The following MAP7D2 variants were observed in gnomAD, a reference collection of about 807,000 sequenced individuals.
MAP7D2 encodes the protein MAP7 domain-containing protein 2.
Under a neutral mutation model 63.5 loss-of-function variants are expected in MAP7D2, and 33 were observed. The ratio of observed to expected loss-of-function variants is 0.52; its 90% CI spans 0.39 to 0.70. The LOEUF (loss-of-function observed/expected upper bound fraction) is 0.70. Among genes scored for constraint, MAP7D2 ranks in the 30% least tolerant of loss-of-function variants. The pLI is 0.00. For synonymous variants in MAP7D2, 224 were observed against 223.7 expected (o/e 1.00, Z -0.01); for missense variants, 626 against 604.0 (o/e 1.04, Z -0.38).
intron 6 of MAP7D2, among the ~76,000 whole-genome samples, chrX:20,049,014 G>A (rs1311117518): frequency 9.1e-6 from 1 of 110,172 alleles, no homozygotes; most frequent in South Asian, 3.9e-4. Flanking sequence ...ACATTTGCAA[G>A]GTTGTGGAAC....
At position 20,063,422 on chromosome X, in the gene MAP7D2, C is replaced by T. The variant is rs1346077324; in HGVS notation, c.364G>A (p.Glu122Lys). 5 of 1,209,373 alleles carry T rather than the reference C, an allele frequency of 4.1e-6. No individual in the cohort carries two copies. The highest frequency in any genetic ancestry group is 2.2e-5 in the Admixed American group (1 of 45,807). Residue 122 changes from glutamate (E) to lysine (K), a missense_variant, in exon 3 of 17, where the codon GAG becomes AAG. Physicochemically the swap from Glu to Lys is moderately conservative, Grantham distance 56 (BLOSUM62 1). Transcript: ENST00000379643. ...VEEKRKQKLR[E>K]EEERLEAMMR... ...GTGCACCTGGGCCTTACCTCCTCCT[C>T]CCGGAGCTTCTGTTTCCTTTTCTCT...
chrX:20,020,962 T>C (rs768024064), intron 10 of MAP7D2, among the ~76,000 whole-genome samples: 22 of 112,351 alleles, frequency 2.0e-4, no homozygotes, highest in Admixed American at 1.1e-3. Flanking sequence ...TAGCTGGGAC[T>C]ACAGGTACAA....
intron 1 of MAP7D2, among the ~76,000 whole-genome samples, chrX:20,095,923 T>C (rs1285864944): frequency 9.4e-6 from 1 of 106,743 alleles, no homozygotes; most frequent in Non-Finnish European, 1.9e-5. Flanking sequence ...CTACTAAAAA[T>C]ACAAAAAAAT....
chrX:20,054,820 A>C (rs2148335926), intron 4 of MAP7D2, among the ~76,000 whole-genome samples: 1 of 110,982 alleles, frequency 9.0e-6, no homozygotes, highest in Admixed American at 9.5e-5. Flanking sequence ...GACATCAAGC[A>C]ATCCGCCTGC....
At position 20,010,747 on chromosome X, in the gene MAP7D2, T is replaced by C. The variant is rs1326986922; in HGVS notation, c.*26+30A>G. On this transcript the variant is annotated intron_variant, in intron 16 of 16. Transcript: ENST00000379643. ...TTCACAAACCCCAGTTAAAGGGTTA[T>C]GAAGTTAGAATATAATCAAAAGACT... 1.1e-5 allele frequency: 12 copies of C among 1,136,113 alleles called. No homozygotes were observed. In the South Asian group the frequency reaches 1.2e-4, roughly 12 times the overall value. The allele number at this position is 1,136,113 out of a possible 1,213,427, so 93.6% of individuals were successfully genotyped here.
intron 8 of MAP7D2, among the ~76,000 whole-genome samples, chrX:20,035,763 A>G: frequency 9.1e-6 from 1 of 109,633 alleles, no homozygotes; most frequent in Non-Finnish European, 1.9e-5. Flanking sequence ...CCCACAAAAA[A>G]TTAGGTGGGT....
At chrX:20,065,983 T>C (rs906965517) in intron 1 of MAP7D2, among the ~76,000 whole-genome samples, 4 of 106,611 alleles carry the variant, frequency 3.8e-5, no homozygotes, top group Middle Eastern at 4.9e-3. Context: ...ACTGCAGTGG[T>C]GCAATCTCGG....
At chrX:20,113,322 C>A (rs2066797511) in intron 1 of MAP7D2, among the ~76,000 whole-genome samples, 1 of 111,520 alleles carries the variant, frequency 9.0e-6, no homozygotes, top group African/African-American at 3.3e-5. Context: ...TCTCTGCTCA[C>A]TGCAACCTCC....
intron 1 of MAP7D2, among the ~76,000 whole-genome samples, chrX:20,067,522 C>T (rs775688734): frequency 1.8e-5 from 2 of 111,900 alleles, no homozygotes; most frequent in South Asian, 7.6e-4. Context: ...TTTCTCAGCC[C>T]AACCACCCTA....
At chrX:20,064,935 C>A in intron 1 of MAP7D2, 130 bp from the exon 2 acceptor site, 1 of 523,247 alleles carries the variant, frequency 1.9e-6, no homozygotes. Flanking sequence ...TCACTTCAAC[C>A]AAAGGAAGTC....
At chrX:20,078,985 A>G (rs1029568142) in intron 1 of MAP7D2, among the ~76,000 whole-genome samples, 3 of 110,241 alleles carry the variant, frequency 2.7e-5, no homozygotes, top group Non-Finnish European at 5.7e-5. Context: ...CTCATCAAAC[A>G]GTAGACTTAA....
chrX:20,027,936 G>A (rs2073925489), intron 8 of MAP7D2, among the ~76,000 whole-genome samples: 1 of 109,789 alleles, frequency 9.1e-6, no homozygotes. Flanking sequence ...GAGAGGTAAT[G>A]TGTGAGTGCC....
chrX:20,060,195 T>C (rs2065173227), intron 3 of MAP7D2, among the ~76,000 whole-genome samples: 1 of 109,580 alleles, frequency 9.1e-6, no homozygotes, highest in Admixed American at 9.8e-5. Context: ...AATTTTTGTA[T>C]TTTTAGTAGA....
At position 20,056,599 on chromosome X, in the gene MAP7D2, AC is replaced by A. The variant is rs2065073876; in HGVS notation, c.484+80del. On this transcript the variant is annotated intron_variant, in intron 4 of 16. Transcript: ENST00000379643. ...AAAGCATCCCCCAGATCCTGGAGAC[AC>A]CCAGTGGTGCCCATAATCCCCTGCC... The A allele has an allele frequency of 8.8e-6, 7 of 796,677 alleles. No individual in the cohort carries two copies. In the Admixed American group the frequency reaches 1.6e-4, roughly 18 times the overall value. 65.7% of individuals were successfully genotyped at this position (796,677 alleles called of 1,213,427 possible). A position where few individuals can be genotyped will look rare whatever the true frequency, so the allele number is the denominator to read the frequency against.
At chrX:20,090,734 T>C (rs1342048686) in intron 1 of MAP7D2, among the ~76,000 whole-genome samples, 1 of 112,464 alleles carries the variant, frequency 8.9e-6, no homozygotes, top group Non-Finnish European at 1.9e-5. Flanking sequence ...ACAAGGTGGT[T>C]TGCACATGCA....
At chrX:20,039,139 C>T (rs1432285112) in intron 8 of MAP7D2, among the ~76,000 whole-genome samples, 2 of 112,237 alleles carry the variant, frequency 1.8e-5, no homozygotes, top group African/African-American at 3.2e-5. Flanking sequence ...GTTGCAGAAA[C>T]GAGGACTGTA....
intron 1 of MAP7D2, among the ~76,000 whole-genome samples, chrX:20,067,022 A>G (rs1233266484): frequency 1.8e-5 from 2 of 112,559 alleles, no homozygotes; most frequent in Non-Finnish European, 3.7e-5. Flanking sequence ...GTCAGGTTCT[A>G]GTGTCTACCT....
chrX:20,018,439 CCT>C (rs1491225644), intron 10 of MAP7D2, among the ~76,000 whole-genome samples: 5 of 93,672 alleles, frequency 5.3e-5, no homozygotes, highest in Non-Finnish European at 8.1e-5. Context: ...GAAATCTTGT[CCT>C]TTTTTTTTTT....
At chrX:20,070,695 C>T (rs1054794840) in intron 1 of MAP7D2, among the ~76,000 whole-genome samples, 3 of 111,051 alleles carry the variant, frequency 2.7e-5, no homozygotes, top group African/African-American at 9.8e-5. Context: ...GCAATTAATT[C>T]CTACAAAAAA....
Sources: allele counts gnomAD v4.1 joint callset (sites outside exome capture counted in the v4.1 genomes callset), GRCh38; gene constraint gnomAD v4.1.1; transcripts MANE v1.5; gene names NCBI Gene and HGNC (gene_info 2026-07-23, HGNC 2026-07-21).